Variants in CDH20 observed in about 807,000 individuals in gnomAD.
CDH20 encodes the protein cadherin-20.
A neutral mutation model predicts 74.2 loss-of-function variants in CDH20; 29 were observed. That is an observed-to-expected ratio of 0.39 (90% CI 0.29 to 0.53). The LOEUF is 0.53. CDH20 is among the 20% of genes least tolerant of loss of function. CDH20 has a pLI of 0.69. For missense variants in CDH20, 988 were observed against 1,048.3 expected (o/e 0.94, Z 0.79); for synonymous variants, 469 against 405.4 (o/e 1.16, Z -1.88).
At chr18:61,491,600 C>G (rs1179477391) in intron 2 of CDH20, among the ~76,000 whole-genome samples, 1 of 152,174 alleles carries the variant, frequency 6.6e-6, no homozygotes, top group Non-Finnish European at 1.5e-5. Flanking sequence ...GGTCACCAAG[C>G]CCTGCTCATC....
chr18:61,408,637 T>C (rs1321470513), intron 1 of CDH20, among the ~76,000 whole-genome samples: 2 of 152,222 alleles, frequency 1.3e-5, no homozygotes, highest in Non-Finnish European at 2.9e-5. Context: ...GACTTGTTTC[T>C]TACCAGCATT....
chr18:61,351,655 A>T (rs573931728), intron 1 of CDH20, among the ~76,000 whole-genome samples: 38 of 151,836 alleles, frequency 2.5e-4, no homozygotes, highest in Non-Finnish European at 4.6e-4. Context: ...AAAAAAAAAC[A>T]ATTTTCAGGT....
Position 61,422,323 on chromosome 18 carries a change from G to A in CDH20, c.-152-68079G>A, listed in dbSNP as rs576626054. On this transcript the variant is annotated intron_variant, in intron 1 of 11. Transcript: ENST00000262717. Reference sequence around the variant, plus strand: ...TCAGTTCTTTATAAGCTGCTTTATGGGTTGTCAATTTCTCTATCTTTCCAC... The same window carrying A: ...TCAGTTCTTTATAAGCTGCTTTATGAGTTGTCAATTTCTCTATCTTTCCAC... 2.0e-5 allele frequency among the ~76,000 whole-genome samples: 3 copies of A among 152,164 alleles called. No individual in the cohort carries two copies. In the East Asian group the frequency reaches 5.8e-4, roughly 29 times the overall value.
At chr18:61,538,625 GTTTT>G (rs1415668565) in intron 8 of CDH20, among the ~76,000 whole-genome samples, 2 of 53,772 alleles carry the variant, frequency 3.7e-5, no homozygotes, top group South Asian at 8.5e-4. Flanking sequence ...TTTTTGTTTT[GTTTT>G]TTTTTTTGAG....
chr18:61,493,289 C>G (rs1911023737), intron 2 of CDH20, among the ~76,000 whole-genome samples: 1 of 152,184 alleles, frequency 6.6e-6, no homozygotes, highest in African/African-American at 2.4e-5. Flanking sequence ...ATCCTTTGCT[C>G]TTCCTGATTA....
intron 6 of CDH20, 137 bp downstream of exon 6, chr18:61,507,697 A>G (rs1599134136): frequency 3.6e-6 from 2 of 561,942 alleles, no homozygotes; most frequent in East Asian, 6.5e-5. Context: ...TTTAAAAAAA[A>G]AAACACACAG....
At chr18:61,456,727 T>C (rs79664101) in intron 1 of CDH20, among the ~76,000 whole-genome samples, 3,627 of 152,162 alleles carry the variant, frequency 0.024, 161 homozygotes, top group East Asian at 0.12. Context: ...TCTAACAGAA[T>C]ACCATAGATT....
intron 1 of CDH20, among the ~76,000 whole-genome samples, chr18:61,470,792 G>T (rs1910144227): frequency 6.6e-6 from 1 of 152,040 alleles, no homozygotes; most frequent in Non-Finnish European, 1.5e-5. Flanking sequence ...TACAGATAGA[G>T]GTTTCTATAA....
intron 6 of CDH20, among the ~76,000 whole-genome samples, chr18:61,509,482 T>C (rs939464091): frequency 6.6e-6 from 1 of 152,328 alleles, no homozygotes; most frequent in Middle Eastern, 3.4e-3. Context: ...CCATGCCTGT[T>C]GTATTTCAAG....
chr18:61,446,887 AC>A (rs1373360402), intron 1 of CDH20, among the ~76,000 whole-genome samples: 1 of 152,222 alleles, frequency 6.6e-6, no homozygotes, highest in Non-Finnish European at 1.5e-5. Flanking sequence ...GATTGGTAGC[AC>A]AGCAAACCAA....
intron 2 of CDH20, among the ~76,000 whole-genome samples, chr18:61,496,608 C>A (rs921285574): frequency 6.6e-6 from 1 of 152,128 alleles, no homozygotes; most frequent in Non-Finnish European, 1.5e-5. Flanking sequence ...CTGCCGCTGT[C>A]GCTGTCGTTT....
rs769885113 is a variant in CDH20, at chr18:61,554,232, A to C, written c.1943A>C (p.Gln648Pro). 118 of 1,613,698 alleles carry C rather than the reference A, an allele frequency of 7.3e-5. No individual in the cohort carries two copies. Among genetic ancestry groups the C allele is most frequent in the Non-Finnish European group, 9.2e-5 (108 of 1,179,866 alleles). ...LILSMRRHRK[Q>P]PYIIDDEENI... Reference sequence around the variant, plus strand: ...TTGTCCATGAGGCGGCACCGGAAACAACCATACATCATCGACGACGAGGAA... The same window carrying C: ...TTGTCCATGAGGCGGCACCGGAAACCACCATACATCATCGACGACGAGGAA... Residue 648 changes from glutamine (Q) to proline (P), a missense_variant, in exon 12 of 12, where the codon CAA becomes CCA. Coordinates refer to ENST00000262717, the MANE Select transcript of CDH20 (RefSeq NM_031891.4).
chr18:61,374,803 C>G (rs1911161673), intron 1 of CDH20, among the ~76,000 whole-genome samples: 1 of 152,072 alleles, frequency 6.6e-6, no homozygotes, highest in South Asian at 2.1e-4. Context: ...AACCAGAAGA[C>G]ACAGTCTTAG....
chr18:61,550,160 T>G lies in CDH20; in HGVS notation c.1831T>G (p.Tyr611Asp), dbSNP rs769865814. ...CGTCATGTCCTGCAGCCCAGAGGCC[T>G]ACATGCTCCCAGTCAGTTTGAGCCG... Reference protein sequence around the residue: ...GHVMSCSPEAYMLPVSLSRGA... With the variant: ...GHVMSCSPEADMLPVSLSRGA... The change falls in exon 11 of 12, where the codon TAC becomes GAC. Residue 611 changes from tyrosine to aspartate, a missense_variant. Tyr to Asp is a radical substitution (Grantham distance 160). This residue lies in a region of CDH20 where 375 missense variants were observed against 293.1 expected (regional missense o/e 1.28). Transcript: ENST00000262717. 3.1e-6 allele frequency: 5 copies of G among 1,614,190 alleles called. No individual in the cohort carries two copies. In the Admixed American group the frequency reaches 8.3e-5, roughly 27 times the overall value.
intron 1 of CDH20, among the ~76,000 whole-genome samples, chr18:61,443,435 T>C (rs1049855894): frequency 1.3e-5 from 2 of 152,172 alleles, no homozygotes; most frequent in Non-Finnish European, 2.9e-5. Flanking sequence ...TTAAAATATT[T>C]ATATTTTCAA....
chr18:61,360,400 C>T (rs999063717), intron 1 of CDH20, among the ~76,000 whole-genome samples: 2 of 152,172 alleles, frequency 1.3e-5, no homozygotes, highest in African/African-American at 4.8e-5. Context: ...TTCATTAACA[C>T]TTAATGGAGG....
chr18:61,437,513 T>C (rs954076023), intron 1 of CDH20, among the ~76,000 whole-genome samples: 3 of 152,154 alleles, frequency 2.0e-5, no homozygotes, highest in Non-Finnish European at 4.4e-5. Flanking sequence ...CACTTTCATG[T>C]TGAAAGGATT....
chr18:61,545,593 G>C (rs1913220353), intron 10 of CDH20, among the ~76,000 whole-genome samples: 1 of 151,948 alleles, frequency 6.6e-6, no homozygotes, highest in Non-Finnish European at 1.5e-5. Context: ...CATATGTTCT[G>C]TAACAACGGG....
At chr18:61,395,089 TG>T (rs1400274712) in intron 1 of CDH20, among the ~76,000 whole-genome samples, 4 of 151,972 alleles carry the variant, frequency 2.6e-5, no homozygotes, top group Non-Finnish European at 4.4e-5. Context: ...CTCTTCCCCT[TG>T]CAAAACCTCC....
Sources: gnomAD v4.1 joint callset for allele counts (sites outside exome capture counted in the v4.1 genomes callset) on GRCh38, gnomAD v4.1.1 for gene constraint, gnomAD v4.1.1 regional missense constraint, MANE v1.5 for transcripts, NCBI Gene and HGNC (gene_info 2026-07-23, HGNC 2026-07-21) for gene names.